Variants in RAB3IP observed in about 807,000 individuals in gnomAD.
RAB3IP encodes the protein RAB3A interacting protein.
In RAB3IP, 36 loss-of-function variants were observed where a neutral mutation model predicts 59.1. The observed-to-expected ratio is 0.61, with a 90% CI of 0.47 to 0.80. RAB3IP has a LOEUF of 0.80. Ranked by LOEUF, RAB3IP falls within the 30% of genes least tolerant of loss-of-function variation. RAB3IP has a pLI of 0.00. For synonymous variants in RAB3IP, 207 were observed against 191.2 expected (o/e 1.08, Z -0.68); for missense variants, 511 against 536.0 (o/e 0.95, Z 0.46).
intron 1 of RAB3IP, among the ~76,000 whole-genome samples, chr12:69,742,033 T>C (rs959829827): frequency 6.6e-6 from 1 of 152,194 alleles, no homozygotes; most frequent in African/African-American, 2.4e-5. Context: ...ATATGGAAGG[T>C]AGGGCCTTAT....
chr12:69,760,965 C>T (rs956446648), intron 3 of RAB3IP, among the ~76,000 whole-genome samples: 4 of 152,120 alleles, frequency 2.6e-5, no homozygotes, highest in African/African-American at 9.7e-5. Context: ...AAATTTTGGC[C>T]TTTATATCTT....
intron 2 of RAB3IP, among the ~76,000 whole-genome samples, chr12:69,755,864 A>G (rs1870134579): frequency 6.6e-6 from 1 of 152,238 alleles, no homozygotes; most frequent in Non-Finnish European, 1.5e-5. Context: ...TAGGCTTTGC[A>G]AGCCATGCAG....
rs116713821 is a variant in RAB3IP, at chr12:69,810,437, G to A, written c.1131-2341G>A. Among the ~76,000 whole-genome samples, 900 of 152,276 alleles carry A rather than the reference G, an allele frequency of 5.9e-3. 10 individuals are homozygous for A. The highest frequency in any genetic ancestry group is 0.021 in the African/African-American group (858 of 41,542). On this transcript the variant is annotated intron_variant, in intron 8 of 10. Coordinates refer to ENST00000247833, the MANE Select transcript of RAB3IP (RefSeq NM_022456.5). ...CTCTCTTCAAAGCTTAGCTGGAAAT[G>A]CAGAAATCACCCGTCTTCTGTGTGG...
intron 3 of RAB3IP, among the ~76,000 whole-genome samples, chr12:69,782,703 T>A (rs1874943408): frequency 2.0e-5 from 3 of 152,350 alleles, no homozygotes; most frequent in Middle Eastern, 3.4e-3. Flanking sequence ...ATTTGTGTCT[T>A]GTCTTCTCAT....
At chr12:69,747,329 T>TGAGAGAGA (rs1437579923) in intron 1 of RAB3IP, among the ~76,000 whole-genome samples, 2 of 91,854 alleles carry the variant, frequency 2.2e-5, no homozygotes, top group Non-Finnish European at 5.5e-5. Context: ...TGTGTGTGTG[T>TGAGAGAGA]GTGAGAGAGA....
Position 69,801,733 on chromosome 12 carries a change from C to T in RAB3IP, c.1130+12C>T, listed in dbSNP as rs1311673215. 3.4e-6 allele frequency: 5 copies of T among 1,490,566 alleles called. No individual in the cohort carries two copies. Among genetic ancestry groups the T allele is most frequent in the African/African-American group, 1.4e-5 (1 of 72,094 alleles). 92.3% of individuals were successfully genotyped at this position (1,490,566 alleles called of 1,614,324 possible). Reference sequence around the variant, plus strand: ...TGCGGAGGACCAAAGTAGGTTTTTACGTGCATGAACTGTGAAAGTGACTGA... The same window carrying T: ...TGCGGAGGACCAAAGTAGGTTTTTATGTGCATGAACTGTGAAAGTGACTGA... On this transcript the variant is annotated intron_variant, in intron 8 of 10. Transcript: ENST00000247833.
chr12:69,816,449 A>G lies in RAB3IP; in HGVS notation c.*1003A>G, dbSNP rs1215105429. The G allele has an allele frequency of 1.3e-5, 2 of 152,048 alleles. No homozygotes were observed. Among genetic ancestry groups the G allele is most frequent in the Admixed American group, 1.3e-4 (2 of 15,256 alleles). 9.4% of individuals were successfully genotyped at this position (152,048 alleles called of 1,614,324 possible). ...CTACTTACATATGCATATTTTTGAAACAAAAAGTAGGCTTTTTTTTTGCTT... is the reference window on the plus strand; with the variant it reads ...CTACTTACATATGCATATTTTTGAAGCAAAAAGTAGGCTTTTTTTTTGCTT... On this transcript the variant is annotated 3_prime_UTR_variant, in exon 11 of 11. Coordinates refer to ENST00000247833, the MANE Select transcript of RAB3IP (RefSeq NM_022456.5).
intron 8 of RAB3IP, among the ~76,000 whole-genome samples, chr12:69,804,917 A>G (rs945959660): frequency 2.6e-5 from 4 of 152,210 alleles, no homozygotes; most frequent in African/African-American, 9.7e-5. Flanking sequence ...TATAGTTTGA[A>G]GTCAGGTAGC....
chr12:69,790,993 CAG>C (rs953187656), intron 4 of RAB3IP, among the ~76,000 whole-genome samples: 2 of 152,132 alleles, frequency 1.3e-5, no homozygotes, highest in African/African-American at 2.4e-5. Context: ...GATATAAAAA[CAG>C]ACATGTGGAC....
intron 3 of RAB3IP, among the ~76,000 whole-genome samples, chr12:69,770,127 AAAG>A (rs1441716902): frequency 6.6e-6 from 1 of 152,246 alleles, no homozygotes; most frequent in Admixed American, 6.5e-5. Context: ...CAGTTGGAAA[AAAG>A]AACATTATAG....
intron 3 of RAB3IP, among the ~76,000 whole-genome samples, chr12:69,773,399 CTT>C (rs71437123): frequency 0.021 from 994 of 47,994 alleles, 10 homozygotes; most frequent in African/African-American, 0.074. Flanking sequence ...ATTTGTCTTT[CTT>C]TTTTTTTTTT....
At chr12:69,792,160 G>A (rs988167041) in intron 4 of RAB3IP, among the ~76,000 whole-genome samples, 8 of 152,236 alleles carry the variant, frequency 5.3e-5, no homozygotes, top group East Asian at 3.9e-4. Context: ...TGGAAAGTGG[G>A]AGAAACGGGA....
rs1877825013 is a variant in RAB3IP at position 69,798,197 on chromosome 12, CTT to C, written c.889-2008_889-2007del. Among the ~76,000 whole-genome samples, 3 of 152,276 alleles carry C rather than the reference CTT, an allele frequency of 2.0e-5. No homozygotes were observed. The South Asian group carries it at 6.2e-4, about 32-fold the overall frequency. On this transcript the variant is annotated intron_variant, in intron 6 of 10. Coordinates refer to ENST00000247833, the MANE Select transcript of RAB3IP (RefSeq NM_022456.5). ...CTCTCCAGCACCTGTTGTTTCCTGA[CTT>C]TTTAATGATTGCCATTGTAACTGGT...
intron 2 of RAB3IP, among the ~76,000 whole-genome samples, chr12:69,756,083 A>T (rs533661040): frequency 6.6e-6 from 1 of 152,374 alleles, no homozygotes; most frequent in South Asian, 2.1e-4. Context: ...TGGCTCATTG[A>T]TACCTTATAA....
In RAB3IP at chr12:69,805,628, T is replaced by C. The variant is rs894706963; in HGVS notation, c.1130+3907T>C. Among the ~76,000 whole-genome samples, 256 of 151,636 alleles carry C rather than the reference T, an allele frequency of 1.7e-3. 1 individual carries two copies. Among genetic ancestry groups the C allele is most frequent in the African/African-American group, 5.8e-3 (239 of 41,360 alleles). ...TGTCCATTCAGTATGATATTGGCTGTGGGTTTGTCATAGATAGCTCTTATT... is the reference window on the plus strand; with the variant it reads ...TGTCCATTCAGTATGATATTGGCTGCGGGTTTGTCATAGATAGCTCTTATT... On this transcript the variant is annotated intron_variant, in intron 8 of 10. Transcript: ENST00000247833.
At chr12:69,762,196 G>A (rs369959503) in intron 3 of RAB3IP, among the ~76,000 whole-genome samples, 2 of 152,128 alleles carry the variant, frequency 1.3e-5, no homozygotes, top group East Asian at 3.9e-4. Context: ...CAGGTGCAGG[G>A]ATGCCAGAGA....
rs1881248185 is a variant in RAB3IP, at chr12:69,817,463, A to G, written c.*2017A>G. 1.3e-5 allele frequency: 2 copies of G among 151,916 alleles called. No individual in the cohort carries two copies. Among genetic ancestry groups the G allele is most frequent in the African/African-American group, 4.8e-5 (2 of 41,342 alleles). 9.4% of individuals were successfully genotyped at this position (151,916 alleles called of 1,614,324 possible). On this transcript the variant is annotated 3_prime_UTR_variant, in exon 11 of 11. Transcript: ENST00000247833. Reference sequence around the variant, plus strand: ...AAGCAGGAAAAAAAAAAACCATAAAAGATAACCATAAAAGAATATAAGTTA... The same window carrying G: ...AAGCAGGAAAAAAAAAAACCATAAAGGATAACCATAAAAGAATATAAGTTA...
intron 7 of RAB3IP, 139 bp downstream of exon 7, chr12:69,800,476 C>T (rs940714684): frequency 2.8e-5 from 15 of 536,632 alleles, no homozygotes; most frequent in African/African-American, 6.0e-5. Context: ...TTTGCCATTC[C>T]GTACTAGAAT....
At chr12:69,792,152 G>A (rs1032320513) in intron 4 of RAB3IP, among the ~76,000 whole-genome samples, 1 of 152,170 alleles carries the variant, frequency 6.6e-6, no homozygotes, top group Non-Finnish European at 1.5e-5. Context: ...TCAGGGGCTG[G>A]AAAGTGGGAG....
Sources: allele counts gnomAD v4.1 joint callset (sites outside exome capture counted in the v4.1 genomes callset), GRCh38; gene constraint gnomAD v4.1.1; transcripts MANE v1.5; gene names NCBI Gene and HGNC (gene_info 2026-07-23, HGNC 2026-07-21).